The following UBAC2 variants were observed in gnomAD, a reference collection of about 807,000 sequenced individuals.
UBAC2 encodes the protein UBA domain containing 2, also known as ubiquitin-associated domain-containing protein 2.
A neutral mutation model predicts 44.0 loss-of-function variants in UBAC2; 26 were observed. The ratio of observed to expected loss-of-function variants is 0.59; its 90% CI spans 0.43 to 0.82. The LOEUF (loss-of-function observed/expected upper bound fraction) is 0.82, where lower values mean the gene tolerates loss of function less well. Among genes scored for constraint, UBAC2 ranks in the 40% least tolerant of loss-of-function variants. The pLI, the probability that UBAC2 is intolerant of heterozygous loss-of-function variation, is 0.00. For synonymous variants in UBAC2, 155 were observed against 154.3 expected, an observed-to-expected ratio of 1.00 and a Z score of -0.04; for missense variants, 329 against 419.4, an observed-to-expected ratio of 0.78 and a Z score of 1.88.
chr13:99,269,550 C>G (rs1048218897), intron 4 of UBAC2, among the ~76,000 whole-genome samples: 4 of 151,936 alleles, frequency 2.6e-5, no homozygotes, highest in African/African-American at 9.7e-5. Context: ...GTACGTACTT[C>G]CAGAAAGTCT....
chr13:99,318,175 CT>C (rs56695114), intron 6 of UBAC2, 106 bp downstream of exon 6: 979,570 of 987,508 alleles, frequency 0.99, 486,142 homozygotes, highest in South Asian at 1. Flanking sequence ...TCTCACCATT[CT>C]TTTTTTTTGA....
At chr13:99,242,336 C>A (rs2043314357) in intron 2 of UBAC2, among the ~76,000 whole-genome samples, 1 of 150,752 alleles carries the variant, frequency 6.6e-6, no homozygotes, top group Non-Finnish European at 1.5e-5. Context: ...GGGGCTGACC[C>A]CCCCACCTCC....
intron 1 of UBAC2, among the ~76,000 whole-genome samples, chr13:99,210,698 A>T (rs1811205093): frequency 2.6e-5 from 4 of 151,976 alleles, no homozygotes; most frequent in Admixed American, 2.6e-4. Context: ...GCTGGTCTCA[A>T]ACTCCCGACC....
chr13:99,331,390 G>C (rs2044714318), intron 6 of UBAC2, among the ~76,000 whole-genome samples: 1 of 152,184 alleles, frequency 6.6e-6, no homozygotes, highest in Admixed American at 6.5e-5. Context: ...TTTCCCAAAA[G>C]GAAAAGCCTA....
At position 99,243,828 on chromosome 13, in the gene UBAC2, C is replaced by T; in HGVS notation, c.160-4C>T. Reference sequence around the variant, plus strand: ...TTATTGTTCTTTTTTAAATCCCCATCTAGATTTGGAGGTTGATATGTGGAA... The same window carrying T: ...TTATTGTTCTTTTTTAAATCCCCATTTAGATTTGGAGGTTGATATGTGGAA... On this transcript the variant is annotated splice_polypyrimidine_tract_variant and splice_region_variant and intron_variant, in intron 2 of 8. Coordinates refer to ENST00000403766, the MANE Select transcript of UBAC2 (RefSeq NM_001144072.2). The T allele has an allele frequency of 6.4e-7, 1 of 1,562,058 alleles. No individual in the cohort carries two copies. The highest frequency in any genetic ancestry group is 8.7e-7 in the Non-Finnish European group (1 of 1,153,160).
chr13:99,255,254 A>G, intron 4 of UBAC2: 1 of 1,614,038 alleles, frequency 6.2e-7, no homozygotes, highest in South Asian at 1.1e-5. Context: ...ATGACCAAGT[A>G]GCACCCAATC....
intron 8 of UBAC2, among the ~76,000 whole-genome samples, chr13:99,382,198 GAGATGATTAA>G (rs1461896663): frequency 2.5e-4 from 38 of 152,244 alleles, no homozygotes; most frequent in African/African-American, 8.7e-4. Flanking sequence ...AAGTTTGAGG[GAGATGATTAA>G]CAGTAGATAA....
intron 1 of UBAC2, among the ~76,000 whole-genome samples, chr13:99,214,477 T>C (rs937766201): frequency 8.5e-5 from 13 of 152,114 alleles, no homozygotes; most frequent in Admixed American, 1.3e-4. Context: ...CTGGTTTGCA[T>C]ATAGGTTGCA....
chr13:99,211,494 G>A (rs2042936548), intron 1 of UBAC2, among the ~76,000 whole-genome samples: 1 of 152,210 alleles, frequency 6.6e-6, no homozygotes, highest in East Asian at 1.9e-4. Context: ...CGACTAATAA[G>A]TGTGAGTTAT....
intron 7 of UBAC2, among the ~76,000 whole-genome samples, chr13:99,347,195 G>GAA (rs35763604): frequency 1.6e-4 from 24 of 150,902 alleles, no homozygotes; most frequent in African/African-American, 4.4e-4. Context: ...TGCAAAGAGG[G>GAA]AAAAAAAAGA....
chr13:99,317,214 A>G (rs1468408023), intron 5 of UBAC2, among the ~76,000 whole-genome samples: 1 of 152,168 alleles, frequency 6.6e-6, no homozygotes, highest in Non-Finnish European at 1.5e-5. Flanking sequence ...CCAGCGATGA[A>G]CCTGGGCTGT....
At chr13:99,330,820 TTTG>T (rs2138807148) in intron 6 of UBAC2, among the ~76,000 whole-genome samples, 1 of 152,304 alleles carries the variant, frequency 6.6e-6, no homozygotes, top group African/African-American at 2.4e-5. Flanking sequence ...TCACTTTTAG[TTTG>T]TTATTTTTCA....
intron 4 of UBAC2, among the ~76,000 whole-genome samples, chr13:99,297,822 T>A (rs996626546): frequency 6.6e-5 from 10 of 150,928 alleles, no homozygotes; most frequent in East Asian, 1.9e-4. Context: ...AAAAAAAAAA[T>A]TCCAGCTGTT....
intron 4 of UBAC2, among the ~76,000 whole-genome samples, chr13:99,266,771 G>T (rs2043749318): frequency 6.6e-6 from 1 of 152,126 alleles, no homozygotes; most frequent in South Asian, 2.1e-4. Context: ...TCACACTGCT[G>T]TGCAGCCAAC....
chr13:99,247,871 C>T (rs944781645), intron 4 of UBAC2, among the ~76,000 whole-genome samples: 2 of 98,650 alleles, frequency 2.0e-5, no homozygotes, highest in African/African-American at 5.7e-5. Context: ...TTCTCTCTCT[C>T]TCTTTTTTTT....
At chr13:99,308,144 G>A (rs1158236838) in intron 4 of UBAC2, among the ~76,000 whole-genome samples, 1 of 152,146 alleles carries the variant, frequency 6.6e-6, no homozygotes, top group Non-Finnish European at 1.5e-5. Context: ...TTTATTTGTA[G>A]GCTAAATTAC....
intron 7 of UBAC2, among the ~76,000 whole-genome samples, chr13:99,366,884 T>A (rs2045338687): frequency 6.6e-6 from 1 of 152,212 alleles, no homozygotes; most frequent in Non-Finnish European, 1.5e-5. Context: ...TCTTTCATAT[T>A]TAGCTGTGTA....
chr13:99,345,880 T>A (rs1470220772), intron 7 of UBAC2, among the ~76,000 whole-genome samples: 1 of 151,688 alleles, frequency 6.6e-6, no homozygotes, highest in Admixed American at 6.6e-5. Context: ...GTAGCTGGGA[T>A]TACAGGCGCT....
intron 6 of UBAC2, among the ~76,000 whole-genome samples, chr13:99,320,353 T>A (rs748673900): frequency 3.9e-5 from 6 of 152,154 alleles, no homozygotes; most frequent in Non-Finnish European, 8.8e-5. Flanking sequence ...TAAAATAAAA[T>A]TCTTGACCAA....
Sources: gnomAD v4.1 joint callset for allele counts (sites outside exome capture counted in the v4.1 genomes callset) on GRCh38, gnomAD v4.1.1 for gene constraint, MANE v1.5 for transcripts, NCBI Gene and HGNC (gene_info 2026-07-23, HGNC 2026-07-21) for gene names.